The following RBM33 variants were observed in gnomAD, a reference collection of about 807,000 sequenced individuals.
RBM33 encodes the protein RNA-binding protein 33.
A neutral mutation model predicts 132.6 loss-of-function variants in RBM33; 28 were observed. That is an observed-to-expected ratio of 0.21 (90% CI 0.16 to 0.29). The LOEUF is 0.29. Ranked by LOEUF, RBM33 falls within the 10% of genes least tolerant of loss-of-function variation. The pLI is 1.00. For missense variants in RBM33, 1,291 were observed against 1,518.5 expected, an observed-to-expected ratio of 0.85 and a Z score of 2.49; for synonymous variants, 634 against 593.0, an observed-to-expected ratio of 1.07 and a Z score of -1.01.
chr7:155,725,722 T>A (rs1483624061), intron 9 of RBM33, among the ~76,000 whole-genome samples: 1 of 152,230 alleles, frequency 6.6e-6, no homozygotes, highest in Non-Finnish European at 1.5e-5. Flanking sequence ...CACCATTTTG[T>A]ACCAAAGAAA....
chr7:155,673,940 G>GTTGTTTTTTGTTTTTGTTTTTTTTTTT, intron 3 of RBM33, among the ~76,000 whole-genome samples: 10 of 54,196 alleles, frequency 1.8e-4, no homozygotes, highest in African/African-American at 3.3e-4. Flanking sequence ...TTTAGGCTTA[G>GTTGTTTTTTGTTTTTGTTTTTTTTTTT]TTTTTTTTTT....
At chr7:155,723,647 AACTTGCTGCTTGGTC>A (rs1800689122) in intron 9 of RBM33, among the ~76,000 whole-genome samples, 1 of 152,196 alleles carries the variant, frequency 6.6e-6, no homozygotes, top group Non-Finnish European at 1.5e-5. Context: ...GTAACCCTTT[AACTTGCTGCTTGGTC>A]AGCATGCGTT....
intron 5 of RBM33, among the ~76,000 whole-genome samples, chr7:155,684,678 A>G (rs1329739079): frequency 6.6e-6 from 1 of 152,148 alleles, no homozygotes; most frequent in South Asian, 2.1e-4. Context: ...GCTGTGTGAC[A>G]GGGCACTTGG....
At chr7:155,721,666 T>C (rs1233080610) in intron 9 of RBM33, among the ~76,000 whole-genome samples, 3 of 152,184 alleles carry the variant, frequency 2.0e-5, no homozygotes, top group African/African-American at 7.2e-5. Flanking sequence ...ATACCTCTAG[T>C]TTTTTTAATT....
intron 9 of RBM33, among the ~76,000 whole-genome samples, chr7:155,726,650 T>C (rs1250030338): frequency 2.6e-5 from 4 of 152,226 alleles, no homozygotes; most frequent in African/African-American, 9.6e-5. Flanking sequence ...TTTTAAAATC[T>C]ATATTTGCTA....
chr7:155,766,577 G>A lies in RBM33; in HGVS notation c.3297G>A (p.Val1099=). 1.2e-6 allele frequency: 2 copies of A among 1,613,258 alleles called. No homozygotes were observed. Among genetic ancestry groups the A allele is most frequent in the Non-Finnish European group, 1.7e-6 (2 of 1,179,606 alleles). ...TGGAGTGCAAGCCCCAGCCCTGCGT[G>A]GTGTCTGTGGAGGGGCTGTCCTCGT... ...RVVECKPQPC[V]VSVEGLSSST... Residue 1099 remains valine, a synonymous_variant, in exon 16 of 18, where the codon GTG becomes GTA. Coordinates refer to ENST00000401878, the MANE Select transcript of RBM33 (RefSeq NM_053043.3).
chr7:155,739,922 T>C lies in RBM33; in HGVS notation c.1945T>C (p.Leu649=). ...CCACCTGTCCGTCCCGCCCCCTCCT[T>C]TGATGCCGATGTCTCAGCCACAGTT... ...HHHLSVPPPP[L]MPMSQPQFRP... The change falls in exon 12 of 18, where the codon TTG becomes CTG. Residue 649 remains leucine (L), a synonymous_variant. Transcript: ENST00000401878. 1 of 1,550,448 alleles carries C rather than the reference T, an allele frequency of 6.4e-7. No homozygotes were observed. Among genetic ancestry groups the C allele is most frequent in the African/African-American group, 1.4e-5 (1 of 72,548 alleles).
rs564507943 is a variant in RBM33 at position 155,646,357 on chromosome 7, G to A, written c.43+1438G>A. On this transcript the variant is annotated intron_variant, in intron 1 of 17. Coordinates refer to ENST00000401878, the MANE Select transcript of RBM33 (RefSeq NM_053043.3). The stretch of plus-strand genomic sequence containing the variant: ...TTTTTGGGTCTTCAATAATTTTGAG[G>A]TCAGAAGTTTTGAGAATTGCTATTT... 2.6e-5 allele frequency among the ~76,000 whole-genome samples: 4 copies of A among 152,246 alleles called. No homozygotes were observed. The East Asian group carries it at 5.8e-4, about 22-fold the overall frequency.
At position 155,711,462 on chromosome 7, in the gene RBM33, G is replaced by A; in HGVS notation, c.1201+7G>A. ...GTGGTCACGCCTGTTCAAGGTCTGT[G>A]TTTCCTTTTACTATTGTAAAGCATA... On this transcript the variant is annotated splice_region_variant and intron_variant, in intron 8 of 17. Coordinates refer to ENST00000401878, the MANE Select transcript of RBM33 (RefSeq NM_053043.3). 4 of 1,411,440 alleles carry A rather than the reference G, an allele frequency of 2.8e-6. No homozygotes were observed. Among genetic ancestry groups the A allele is most frequent in the Non-Finnish European group, 3.7e-6 (4 of 1,078,388 alleles). 87.4% of individuals were successfully genotyped at this position (1,411,440 alleles called of 1,614,324 possible).
intron 12 of RBM33, 68 bp from the exon 13 acceptor site, chr7:155,741,751 T>C: frequency 1.5e-6 from 2 of 1,358,798 alleles, no homozygotes; most frequent in Non-Finnish European, 2.0e-6. Flanking sequence ...TATTTAATAA[T>C]GTGCCTTTTA....
At chr7:155,669,993 G>A (rs1585415707) in intron 2 of RBM33, among the ~76,000 whole-genome samples, 1 of 152,186 alleles carries the variant, frequency 6.6e-6, no homozygotes, top group African/African-American at 2.4e-5. Context: ...ACGGAGAGTG[G>A]ACTAGAGTGG....
At chr7:155,718,526 TC>T in intron 9 of RBM33, 83 bp downstream of exon 9, 1 of 1,094,790 alleles carries the variant, frequency 9.1e-7, no homozygotes, top group Non-Finnish European at 1.4e-6. Flanking sequence ...TGCAAGAGGT[TC>T]CAGCCAAATA....
chr7:155,680,747 G>C lies in RBM33; in HGVS notation c.406G>C (p.Glu136Gln). Residue 136 changes from glutamate (E) to glutamine (Q), a missense_variant, in exon 5 of 18, where the codon GAA becomes CAA. This residue lies in a region of RBM33 where 194 missense variants were observed against 249.8 expected (regional missense o/e 0.78). Transcript: ENST00000401878. ...GGTTTATCACAAATCTGATGGATCA[G>C]AATTGTATACTCAAGAGTACCCAGA... The part of the protein sequence containing the change: ...ELVYHKSDGS[E>Q]LYTQEYPEEG... The C allele has an allele frequency of 6.2e-7, 1 of 1,613,600 alleles. No individual in the cohort carries two copies. The highest frequency in any genetic ancestry group is 8.5e-7 in the Non-Finnish European group (1 of 1,179,696).
chr7:155,679,332 A>G (rs918734120), intron 4 of RBM33, among the ~76,000 whole-genome samples: 12 of 152,236 alleles, frequency 7.9e-5, no homozygotes, highest in Middle Eastern at 3.4e-3. Flanking sequence ...GACTCTCAAC[A>G]CCATTGCAGT....
At chr7:155,744,780 G>T (rs991875810) in intron 13 of RBM33, among the ~76,000 whole-genome samples, 181 bp from the exon 14 acceptor site, 4 of 152,070 alleles carry the variant, frequency 2.6e-5, no homozygotes, top group Non-Finnish European at 5.9e-5. Context: ...TAGCTGTGTG[G>T]TTTTTTTCCC....
chr7:155,705,272 T>A (rs913361348), intron 6 of RBM33, among the ~76,000 whole-genome samples: 4 of 152,252 alleles, frequency 2.6e-5, no homozygotes, highest in Non-Finnish European at 5.9e-5. Context: ...TTTTACTTGC[T>A]GATTAAAGAT....
At chr7:155,691,266 C>T (rs573938574) in intron 5 of RBM33, among the ~76,000 whole-genome samples, 33 of 152,328 alleles carry the variant, frequency 2.2e-4, no homozygotes, top group African/African-American at 7.9e-4. Context: ...GAATCGGCTA[C>T]TGAAGCTTGT....
At chr7:155,756,601 G>A (rs1801859122) in intron 14 of RBM33, among the ~76,000 whole-genome samples, 1 of 152,114 alleles carries the variant, frequency 6.6e-6, no homozygotes, top group South Asian at 2.1e-4. Flanking sequence ...CTCTCGTGGT[G>A]CACTCTGCTT....
intron 8 of RBM33, among the ~76,000 whole-genome samples, chr7:155,711,749 T>C (rs1307892917): frequency 6.6e-6 from 1 of 152,182 alleles, no homozygotes; most frequent in Non-Finnish European, 1.5e-5. Context: ...TAAGCTATGA[T>C]GTTTCATTGG....
Sources: gnomAD v4.1 joint callset for allele counts (sites outside exome capture counted in the v4.1 genomes callset) on GRCh38, gnomAD v4.1.1 for gene constraint, gnomAD v4.1.1 regional missense constraint, MANE v1.5 for transcripts, NCBI Gene and HGNC (gene_info 2026-07-23, HGNC 2026-07-21) for gene names.